Variants in ZNF117 observed in about 807,000 individuals in gnomAD.
The protein encoded by ZNF117 is Krueppel-related zinc finger protein.
In ZNF117, 37 loss-of-function variants were observed where a neutral mutation model predicts 41.2. The ratio of observed to expected loss-of-function variants is 0.90; its 90% CI spans 0.69 to 1.18. The LOEUF is 1.18. ZNF117 is among the 50% of genes most tolerant of loss of function. The pLI is 0.00. For synonymous variants in ZNF117, 186 were observed against 186.6 expected (o/e 1.00, Z 0.02); for missense variants, 546 against 557.5 (o/e 0.98, Z 0.21).
At chr7:64,986,615 T>C (rs1786140463), upstream of ZNF117, among the ~76,000 whole-genome samples, 1 of 152,186 alleles carries the variant, frequency 6.6e-6, no homozygotes, top group Non-Finnish European at 1.5e-5. Flanking sequence ...ATCTTGCAGC[T>C]CACTAGAAAT....
In ZNF117 at chr7:64,981,485, G is replaced by A. The variant is rs1786032721; in HGVS notation, c.-62-3C>T. On this transcript the variant is annotated splice_polypyrimidine_tract_variant and splice_region_variant and intron_variant, in intron 1 of 2. Transcript: ENST00000620222. The stretch of plus-strand genomic sequence containing the variant: ...GTCTGGCTTAGAGACAGCAATACCT[G>A]TTTTATTGAAAATAAATAACATAAA... The A allele has an allele frequency of 6.4e-7, 1 of 1,570,504 alleles. No homozygotes were observed. Among genetic ancestry groups the A allele is most frequent in the Non-Finnish European group, 8.8e-7 (1 of 1,141,992 alleles).
At chr7:64,972,995 A>C, downstream of ZNF117, 1 of 152,038 alleles carries the variant, frequency 6.6e-6, no homozygotes, top group South Asian at 2.1e-4. Flanking sequence ...GAACACAATA[A>C]ATGAATTTGC....
upstream of ZNF117, among the ~76,000 whole-genome samples, chr7:64,985,741 A>T (rs1786119883): frequency 6.6e-6 from 1 of 152,050 alleles, no homozygotes; most frequent in Admixed American, 6.6e-5. Context: ...CTGGTGAATC[A>T]TGAGGTCAGG....
At chr7:64,991,005 C>CA in exon 1 of ZNF117, 1 of 415,764 alleles carries the variant, frequency 2.4e-6, no homozygotes, top group Non-Finnish European at 4.3e-6. Flanking sequence ...CTTTTCTTGG[C>CA]AGGGGTTAAT....
At position 64,989,443 on chromosome 7, in the gene ZNF117, TTA is replaced by T. The variant is rs58009024; in HGVS notation, c.-196+502_-196+503del. ...AAAGACTTAAATGTAGAACTTAAAA[TTA>T]TATATATATATATATATATATATAT... On this transcript the variant is annotated intron_variant, in intron 1 of 3. Coordinates refer to the ZNF117 transcript ENST00000282869. Among the ~76,000 whole-genome samples the T allele has an allele frequency of 9.0e-3, 440 of 48,908 alleles. 4 individuals are homozygous for T. The highest frequency in any genetic ancestry group is 0.019 in the Middle Eastern group (1 of 54). 32.1% of individuals were successfully genotyped at this position (48,908 alleles called of 152,430 possible).
At chr7:64,975,404 C>T (rs929710809) in exon 3 of ZNF117, 1 of 151,830 alleles carries the variant, frequency 6.6e-6, no homozygotes, top group Non-Finnish European at 1.5e-5. Flanking sequence ...TTCCCTCATA[C>T]ATCATTCAAT....
chr7:64,978,392 T>G (rs548258262), exon 3 of ZNF117: 2 of 1,613,760 alleles, frequency 1.2e-6, no homozygotes, highest in Admixed American at 3.3e-5. Context: ...CTTTGCCAGA[T>G]TCTCTACATT....
chr7:64,977,442 G>C (rs7790578), exon 3 of ZNF117: 420,538 of 452,740 alleles, frequency 0.93, 196,301 homozygotes, highest in South Asian at 0.97. Context: ...AGTAAGTTTT[G>C]AGCATCGACT....
exon 3 of ZNF117, chr7:64,974,906 C>T (rs974933248): frequency 6.6e-6 from 1 of 151,786 alleles, no homozygotes; most frequent in African/African-American, 2.4e-5. Flanking sequence ...GTGATTAATA[C>T]CTATTCATAT....
chr7:64,981,269 G>C (rs1786026732), intron 2 of ZNF117, 118 bp downstream of exon 3: 1 of 1,332,992 alleles, frequency 7.5e-7, no homozygotes, highest in African/African-American at 1.5e-5. Flanking sequence ...AAAAAACTCG[G>C]GCTTTCCAGA....
chr7:64,978,951 G>T, exon 3 of ZNF117: 4 of 1,611,414 alleles, frequency 2.5e-6, no homozygotes, highest in Non-Finnish European at 2.5e-6. Context: ...TGTAGTAAGG[G>T]TCGATGACTG....
At chr7:64,980,923 A>G (rs1786009033) in intron 2 of ZNF117, 1 of 165,892 alleles carries the variant, frequency 6.0e-6, no homozygotes, top group Non-Finnish European at 1.3e-5. Context: ...ACTATATTTC[A>G]AAGCTATAGT....
exon 3 of ZNF117, chr7:64,978,344 T>C (rs747815968): frequency 6.2e-7 from 1 of 1,613,536 alleles, no homozygotes; most frequent in South Asian, 1.1e-5. Context: ...CAGTATGAAT[T>C]TTCTTACATG....
upstream of ZNF117, among the ~76,000 whole-genome samples, chr7:64,983,172 T>C (rs567901244): frequency 9.2e-5 from 14 of 152,328 alleles, no homozygotes; most frequent in South Asian, 1.4e-3. Context: ...TTATTAATCG[T>C]GTTCTGCATA....
At chr7:64,982,173 A>G, upstream of ZNF117, 1 of 593,318 alleles carries the variant, frequency 1.7e-6, no homozygotes, top group Non-Finnish European at 2.9e-6. Flanking sequence ...CCAAGTGGCC[A>G]TGGGCATAAT....
chr7:64,989,276 T>C (rs765041738), intron 1 of ZNF117, among the ~76,000 whole-genome samples: 1 of 150,914 alleles, frequency 6.6e-6, no homozygotes, highest in Non-Finnish European at 1.5e-5. Context: ...AACCATCTGA[T>C]CTTCAACAAA....
At chr7:64,985,850 C>A (rs1562647616), upstream of ZNF117, among the ~76,000 whole-genome samples, 1 of 145,404 alleles carries the variant, frequency 6.9e-6, no homozygotes, top group African/African-American at 2.6e-5. Context: ...ACCCCAGCTA[C>A]TCGGGAGGCT....
At chr7:64,987,789 G>T (rs1314428072) in intron 1 of ZNF117, among the ~76,000 whole-genome samples, 22 of 149,016 alleles carry the variant, frequency 1.5e-4, no homozygotes, top group African/African-American at 5.5e-4. Context: ...TTTGAGACCT[G>T]CCTGGGCAAT....
exon 1 of ZNF117, chr7:64,990,152 G>A (rs1201536564): frequency 6.6e-6 from 1 of 152,136 alleles, no homozygotes; most frequent in African/African-American, 2.4e-5. Context: ...CTTTTCAAAA[G>A]AAGACATACA....
Sources: gnomAD v4.1 joint callset for allele counts (sites outside exome capture counted in the v4.1 genomes callset) on GRCh38, gnomAD v4.1.1 for gene constraint, MANE v1.5 for transcripts, NCBI Gene and HGNC (gene_info 2026-07-23, HGNC 2026-07-21) for gene names.